Variants in FHIT observed in about 807,000 individuals in gnomAD.
FHIT encodes the protein bis(5'-adenosyl)-triphosphatase.
Under a neutral mutation model 17.9 loss-of-function variants are expected in FHIT, and 19 were observed. That is an observed-to-expected ratio of 1.06 (90% CI 0.74 to 1.56). FHIT has a LOEUF of 1.56. Among genes scored for constraint, FHIT ranks in the 40% most tolerant of loss-of-function variants. FHIT has a pLI of 0.00. For synonymous variants in FHIT, 81 were observed against 69.7 expected, an observed-to-expected ratio of 1.16 and a Z score of -0.81; for missense variants, 248 against 189.2, an observed-to-expected ratio of 1.31 and a Z score of -1.82.
At chr3:60,189,245 G>A (rs1279603071) in intron 5 of FHIT, among the ~76,000 whole-genome samples, 1 of 151,734 alleles carries the variant, frequency 6.6e-6, no homozygotes, top group Admixed American at 6.6e-5. Flanking sequence ...GGGGGTGGGG[G>A]GGAAAGAGGA....
chr3:59,794,548 A>G (rs979322507), intron 8 of FHIT, among the ~76,000 whole-genome samples: 1 of 152,176 alleles, frequency 6.6e-6, no homozygotes, highest in African/African-American at 2.4e-5. Flanking sequence ...GGCGCTTTAT[A>G]TGCACCTTTA....
intron 8 of FHIT, among the ~76,000 whole-genome samples, chr3:59,897,144 T>C (rs1704108271): frequency 6.6e-6 from 1 of 152,246 alleles, no homozygotes; most frequent in Admixed American, 6.5e-5. Flanking sequence ...TGTCCTTATT[T>C]ACACCACAGC....
chr3:60,374,779 C>T (rs369023651), intron 5 of FHIT, among the ~76,000 whole-genome samples: 9 of 151,988 alleles, frequency 5.9e-5, no homozygotes, highest in Admixed American at 2.0e-4. Context: ...ATTTTCTCAA[C>T]GTTGAGACGT....
At chr3:61,037,721 C>A (rs2033324378) in intron 3 of FHIT, among the ~76,000 whole-genome samples, 1 of 152,152 alleles carries the variant, frequency 6.6e-6, no homozygotes, top group African/African-American at 2.4e-5. Flanking sequence ...GGCCTTTTTC[C>A]CTCACTCATG....
chr3:60,329,450 C>G (rs1002145073), intron 5 of FHIT, among the ~76,000 whole-genome samples: 1 of 152,164 alleles, frequency 6.6e-6, no homozygotes, highest in Non-Finnish European at 1.5e-5. Context: ...GAATATTGTT[C>G]AATGAACAAT....
At chr3:61,137,028 A>C (rs1404170987) in intron 2 of FHIT, among the ~76,000 whole-genome samples, 2 of 152,144 alleles carry the variant, frequency 1.3e-5, no homozygotes, top group Non-Finnish European at 2.9e-5. Context: ...GTCAGAATAT[A>C]ATCTTTGTAA....
intron 5 of FHIT, among the ~76,000 whole-genome samples, chr3:60,086,872 G>A (rs868698575): frequency 1.6e-4 from 25 of 152,172 alleles, no homozygotes; most frequent in African/African-American, 5.8e-4. Context: ...GCTGCTGGTG[G>A]CTGTATAATT....
At chr3:60,483,262 T>G (rs1200386696) in intron 5 of FHIT, among the ~76,000 whole-genome samples, 2 of 152,170 alleles carry the variant, frequency 1.3e-5, no homozygotes, top group African/African-American at 4.8e-5. Context: ...AAAGAGGAAC[T>G]GGTGTCATTC....
chr3:59,876,864 C>A (rs985547100), intron 8 of FHIT, among the ~76,000 whole-genome samples: 1 of 152,156 alleles, frequency 6.6e-6, no homozygotes, highest in Non-Finnish European at 1.5e-5. Context: ...TACCCTTGAC[C>A]CAACTGGCCT....
At chr3:60,752,645 G>A (rs1010968167) in intron 4 of FHIT, among the ~76,000 whole-genome samples, 1 of 152,196 alleles carries the variant, frequency 6.6e-6, no homozygotes, top group Non-Finnish European at 1.5e-5. Flanking sequence ...GACAGCAAAT[G>A]CTGCTGTTTC....
chr3:60,093,377 C>T (rs1029402288), intron 5 of FHIT, among the ~76,000 whole-genome samples: 1 of 152,146 alleles, frequency 6.6e-6, no homozygotes, highest in African/African-American at 2.4e-5. Context: ...TTCTGCCTCC[C>T]ACCTCCACTT....
intron 2 of FHIT, among the ~76,000 whole-genome samples, chr3:61,127,268 G>C (rs561599931): frequency 6.6e-6 from 1 of 152,272 alleles, no homozygotes; most frequent in South Asian, 2.1e-4. Flanking sequence ...GATGAGGCAT[G>C]GTTGGATGCT....
chr3:60,014,037 G>A lies in FHIT; in HGVS notation c.219C>T (p.Phe73=). 6.2e-7 allele frequency: 1 copy of A among 1,614,048 alleles called. No homozygotes were observed. Residue 73 remains phenylalanine (F), a synonymous_variant, in exon 6 of 10, where the codon TTC becomes TTT. Transcript: ENST00000492590. ...QRVGTVVEKH[F]HGTSLTFSMQ... ...TGGAAAAGGTGAGAGAGGTCCCATG[G>A]AAATGTTTTTCCACCACTGTCCCGA...
intron 3 of FHIT, among the ~76,000 whole-genome samples, chr3:60,883,163 G>C (rs1705051248): frequency 6.6e-6 from 1 of 151,890 alleles, no homozygotes; most frequent in Admixed American, 6.6e-5. Context: ...TCTAACCAAG[G>C]AAGCAAAAGA....
intron 3 of FHIT, among the ~76,000 whole-genome samples, chr3:60,869,733 G>C (rs1224565891): frequency 6.6e-6 from 1 of 152,088 alleles, no homozygotes; most frequent in Non-Finnish European, 1.5e-5. Flanking sequence ...AGACTCCACA[G>C]CCACCCCAGA....
intron 5 of FHIT, among the ~76,000 whole-genome samples, chr3:60,184,356 G>A (rs930865473): frequency 2.6e-5 from 4 of 151,614 alleles, no homozygotes; most frequent in South Asian, 2.1e-4. Context: ...AACTTATGTT[G>A]CTTAAGACTT....
intron 8 of FHIT, among the ~76,000 whole-genome samples, chr3:59,842,973 T>C (rs1701587121): frequency 6.6e-6 from 1 of 152,160 alleles, no homozygotes; most frequent in African/African-American, 2.4e-5. Context: ...ATCCGATAAA[T>C]AATTGCCAAA....
At chr3:61,074,520 G>A (rs1205475646) in intron 2 of FHIT, among the ~76,000 whole-genome samples, 1 of 152,068 alleles carries the variant, frequency 6.6e-6, no homozygotes, top group Non-Finnish European at 1.5e-5. Context: ...TAAATCGAGA[G>A]ATTTCACAGA....
chr3:60,724,863 G>A (rs1393111757), intron 4 of FHIT, among the ~76,000 whole-genome samples: 1 of 151,948 alleles, frequency 6.6e-6, no homozygotes, highest in African/African-American at 2.4e-5. Context: ...TGGCCAGGCT[G>A]GTCTCAAACT....
Sources: allele counts gnomAD v4.1 joint callset (sites outside exome capture counted in the v4.1 genomes callset), GRCh38; gene constraint gnomAD v4.1.1; transcripts MANE v1.5; gene names NCBI Gene and HGNC (gene_info 2026-07-23, HGNC 2026-07-21).